Variants in CFAP54 observed in about 807,000 individuals in gnomAD.
CFAP54 encodes cilia and flagella associated protein 54.
A neutral mutation model predicts 370.4 loss-of-function variants in CFAP54; 290 were observed. The observed-to-expected ratio is 0.78, with a 90% CI of 0.71 to 0.86. The LOEUF (loss-of-function observed/expected upper bound fraction) is 0.86. Ranked by LOEUF, CFAP54 falls within the 40% of genes least tolerant of loss-of-function variation. The pLI, the probability that CFAP54 is intolerant of heterozygous loss-of-function variation, is 0.00. For synonymous variants in CFAP54, 1,206 were observed against 1,236.5 expected (o/e 0.98, Z 0.52); for missense variants, 3,399 against 3,528.7 (o/e 0.96, Z 0.93).
At chr12:96,603,951 A>G (rs1206235058) in intron 26 of CFAP54, among the ~76,000 whole-genome samples, 1 of 152,078 alleles carries the variant, frequency 6.6e-6, no homozygotes, top group East Asian at 1.9e-4. Context: ...TCTGAAGCCT[A>G]CTTCTGTGAA....
chr12:96,537,951 G>A (rs145454591), intron 12 of CFAP54, among the ~76,000 whole-genome samples: 2,045 of 152,146 alleles, frequency 0.013, 62 homozygotes, highest in African/African-American at 0.048. Flanking sequence ...AGCTGGGTGT[G>A]GTGGTGTGCA....
At chr12:96,836,623 A>T (rs1159197272) in intron 66 of CFAP54, among the ~76,000 whole-genome samples, 2 of 152,176 alleles carry the variant, frequency 1.3e-5, no homozygotes, top group African/African-American at 4.8e-5. Flanking sequence ...CTACAGCGTA[A>T]TATCTCCATT....
chr12:96,510,140 C>G (rs1048349504), intron 4 of CFAP54, among the ~76,000 whole-genome samples: 1 of 149,582 alleles, frequency 6.7e-6, no homozygotes, highest in Non-Finnish European at 1.5e-5. Flanking sequence ...ATAATCACAG[C>G]TACTTGGGAG....
At chr12:96,507,256 C>T (rs1263891120) in intron 4 of CFAP54, among the ~76,000 whole-genome samples, 157 bp downstream of exon 4, 1 of 151,968 alleles carries the variant, frequency 6.6e-6, no homozygotes, top group Admixed American at 6.6e-5. Flanking sequence ...TGTTTGTCCT[C>T]GTAAATTGGG....
At chr12:96,811,428 G>A (rs1416139566) in intron 63 of CFAP54, among the ~76,000 whole-genome samples, 1 of 152,098 alleles carries the variant, frequency 6.6e-6, no homozygotes, top group East Asian at 1.9e-4. Flanking sequence ...TATTTACCAG[G>A]TGTATGCTTA....
intron 40 of CFAP54, among the ~76,000 whole-genome samples, chr12:96,681,648 C>T (rs1272957005): frequency 6.6e-6 from 1 of 151,844 alleles, no homozygotes; most frequent in Non-Finnish European, 1.5e-5. Context: ...TTACTGCAAA[C>T]TCTGCCTTCT....
intron 67 of CFAP54, among the ~76,000 whole-genome samples, chr12:96,865,410 G>C (rs1959977229): frequency 6.6e-6 from 1 of 152,116 alleles, no homozygotes; most frequent in African/African-American, 2.4e-5. Flanking sequence ...TATACTATTT[G>C]TATAAAGCTT....
At position 96,688,901 on chromosome 12, in the gene CFAP54, C is replaced by A; in HGVS notation, c.6015-15C>A. 6.7e-7 allele frequency: 1 copy of A among 1,500,906 alleles called. No individual in the cohort carries two copies. Among genetic ancestry groups the A allele is most frequent in the Non-Finnish European group, 9.0e-7 (1 of 1,108,520 alleles). 93.0% of individuals were successfully genotyped at this position (1,500,906 alleles called of 1,614,324 possible). A position where few individuals can be genotyped will look rare whatever the true frequency, so the allele number is the denominator to read the frequency against. On this transcript the variant is annotated splice_polypyrimidine_tract_variant and intron_variant, in intron 42 of 67. Coordinates refer to ENST00000524981, the MANE Select transcript of CFAP54 (RefSeq NM_001306084.2). The stretch of plus-strand genomic sequence containing the variant: ...AATTTCTACTAATCAATTTTTTTTT[C>A]TTATACTTACTTAGATTTATTAAGT...
intron 9 of CFAP54, among the ~76,000 whole-genome samples, chr12:96,530,630 A>G (rs1955431490): frequency 6.6e-6 from 1 of 152,260 alleles, no homozygotes. Context: ...TAAAGCTGCT[A>G]TGAACAGTTG....
chr12:96,741,012 A>G (rs559628689), intron 51 of CFAP54, among the ~76,000 whole-genome samples: 1 of 152,304 alleles, frequency 6.6e-6, no homozygotes, highest in South Asian at 2.1e-4. Flanking sequence ...CTATCTTTTC[A>G]TTAGTGACAG....
At chr12:96,625,570 A>G in intron 28 of CFAP54, 148 bp from the exon 29 acceptor site, 1 of 483,970 alleles carries the variant, frequency 2.1e-6, no homozygotes, top group Non-Finnish European at 3.6e-6. Context: ...TAATGCTATA[A>G]TTGCTATTTT....
chr12:96,566,611 G>A (rs1255526138), intron 19 of CFAP54, among the ~76,000 whole-genome samples: 1 of 152,160 alleles, frequency 6.6e-6, no homozygotes, highest in African/African-American at 2.4e-5. Context: ...GAAATATCAA[G>A]AGACTGGACA....
intron 39 of CFAP54, among the ~76,000 whole-genome samples, chr12:96,666,805 C>A (rs973943909): frequency 3.9e-5 from 6 of 152,260 alleles, no homozygotes; most frequent in African/African-American, 1.2e-4. Context: ...ATTTCAAAAC[C>A]AATCATGCCT....
chr12:96,645,578 C>T (rs1466233807), intron 33 of CFAP54: 31 of 153,188 alleles, frequency 2.0e-4, no homozygotes, highest in African/African-American at 7.0e-4. Flanking sequence ...TGACTTTCTT[C>T]ACAGAATTGG....
At position 96,743,383 on chromosome 12, in the gene CFAP54, C is replaced by T. The variant is rs769790483; in HGVS notation, c.7220-19C>T. ...GACTTTCTCAATGCATTTTAAATAACCGCATTTGTTTATTTTAGAGGATGA... is the reference window on the plus strand; with the variant it reads ...GACTTTCTCAATGCATTTTAAATAATCGCATTTGTTTATTTTAGAGGATGA... On this transcript the variant is annotated intron_variant, in intron 52 of 67. Transcript: ENST00000524981. 2.5e-6 allele frequency: 4 copies of T among 1,608,370 alleles called. No homozygotes were observed. The highest frequency in any genetic ancestry group is 1.7e-5 in the Admixed American group (1 of 59,322).
chr12:96,707,187 G>A (rs898925523), intron 47 of CFAP54, among the ~76,000 whole-genome samples: 2 of 152,140 alleles, frequency 1.3e-5, no homozygotes, highest in African/African-American at 2.4e-5. Context: ...AAGCGTGTTT[G>A]GAAAGAGTGG....
At chr12:96,653,040 G>A (rs926765160) in intron 36 of CFAP54, among the ~76,000 whole-genome samples, 37 of 152,206 alleles carry the variant, frequency 2.4e-4, no homozygotes, top group Non-Finnish European at 5.1e-4. Context: ...ACGTTGATGT[G>A]TCAGGAGGGT....
intron 50 of CFAP54, among the ~76,000 whole-genome samples, chr12:96,725,149 G>T (rs1056095021): frequency 1.3e-5 from 2 of 152,032 alleles, no homozygotes; most frequent in Non-Finnish European, 2.9e-5. Flanking sequence ...GGATTGACTT[G>T]GCGATGCGGG....
At chr12:96,598,851 C>T (rs987369659) in intron 26 of CFAP54, 84 bp downstream of exon 26, 4 of 403,210 alleles carry the variant, frequency 9.9e-6, no homozygotes, top group African/African-American at 8.2e-5. Flanking sequence ...ACAATAAGAA[C>T]ACTTTTAAAA....
Sources: allele counts gnomAD v4.1 joint callset (sites outside exome capture counted in the v4.1 genomes callset), GRCh38; gene constraint gnomAD v4.1.1; transcripts MANE v1.5; gene names NCBI Gene and HGNC (gene_info 2026-07-23, HGNC 2026-07-21).